FREM2: variants seen among roughly 807,000 people sequenced by gnomAD.
The protein encoded by FREM2 is FRAS1 related extracellular matrix 2.
In FREM2, 119 loss-of-function variants were observed where a neutral mutation model predicts 219.9. The observed-to-expected ratio is 0.54, with a 90% CI of 0.47 to 0.63. The LOEUF (loss-of-function observed/expected upper bound fraction) is 0.63, where lower values mean the gene tolerates loss of function less well. Ranked by LOEUF, FREM2 falls within the 30% of genes least tolerant of loss-of-function variation. The probability of loss-of-function intolerance (pLI) is 0.00; values close to 1 mark genes in which losing one functional copy is unlikely to be tolerated. For missense variants in FREM2, 4,030 were observed against 3,993.6 expected, an observed-to-expected ratio of 1.01 and a Z score of -0.25; for synonymous variants, 1,562 against 1,522.8, an observed-to-expected ratio of 1.03 and a Z score of -0.60.
intron 16 of FREM2, among the ~76,000 whole-genome samples, chr13:38,867,067 C>A (rs1428074595): frequency 6.6e-6 from 1 of 152,182 alleles, no homozygotes; most frequent in Non-Finnish European, 1.5e-5. Context: ...CTTCCTATGA[C>A]TGCCAGCTAG....
Position 38,851,061 on chromosome 13 carries a change from TTGG to T in FREM2, c.6698_6700del (p.Gly2233del). ...AGCAACTCTCCCTTTGGGGCTGCAG[TTGG>T]TGAACAAAATGAAACTCTCATAAGG... On this transcript the variant is annotated inframe_deletion, in exon 10 of 24. Coordinates refer to ENST00000280481, the MANE Select transcript of FREM2 (RefSeq NM_207361.6). 6.2e-7 allele frequency: 1 copy of T among 1,614,026 alleles called. No homozygotes were observed. The highest frequency in any genetic ancestry group is 8.5e-7 in the Non-Finnish European group (1 of 1,179,988).
rs555477088 is a variant in FREM2 at position 38,839,005 on chromosome 13, CGAG to C, written c.6020-7564_6020-7562del. Reference sequence around the variant, plus strand: ...ACACCCAGTTTTGTTCCCTTGCTGGCGAGGAGTTGTGATCCTTTGGAGGAGAAG... The same window carrying C: ...ACACCCAGTTTTGTTCCCTTGCTGGCGAGTTGTGATCCTTTGGAGGAGAAG... On this transcript the variant is annotated intron_variant, in intron 6 of 23. Transcript: ENST00000280481. Among the ~76,000 whole-genome samples, 37 of 152,160 alleles carry C rather than the reference CGAG, an allele frequency of 2.4e-4. 1 individual carries two copies. The South Asian group carries it at 7.3e-3, about 30-fold the overall frequency.
chr13:38,856,397 C>G (rs1877562712), intron 12 of FREM2, 141 bp downstream of exon 12: 1 of 739,278 alleles, frequency 1.4e-6, no homozygotes. Context: ...TCTCTTTTTA[C>G]CACCTAAATG....
chr13:38,723,280 A>G (rs903494810), intron 2 of FREM2, among the ~76,000 whole-genome samples: 2 of 152,034 alleles, frequency 1.3e-5, no homozygotes, highest in African/African-American at 4.8e-5. Flanking sequence ...ACAGCTGGAG[A>G]TGTCCGTGGG....
intron 6 of FREM2, among the ~76,000 whole-genome samples, chr13:38,817,892 G>A (rs1447057689): frequency 6.6e-6 from 1 of 151,812 alleles, no homozygotes; most frequent in Non-Finnish European, 1.5e-5. Flanking sequence ...TGGGCAAAAG[G>A]CCATTTTTCA....
At position 38,689,378 on chromosome 13, in the gene FREM2, T is replaced by G; in HGVS notation, c.2034T>G (p.His678Gln). ...TCACATTTAGAGTCCAGGATAACCA[T>G]GACCCTCCTAATCAGTCCGGGCTAC... ...DQFTFRVQDNHDPPNQSGLQR... is the reference protein window; with the variant it reads ...DQFTFRVQDNQDPPNQSGLQR... The change falls in exon 1 of 24, where the codon CAT becomes CAG. Residue 678 changes from histidine to glutamine, a missense_variant. His to Gln is a conservative substitution (Grantham distance 24). Around this residue, in one of 2 missense-constraint regions of FREM2, gnomAD observed 3,102 missense variants for 2,950.7 expected, o/e 1.05. Transcript: ENST00000280481. The G allele has an allele frequency of 6.2e-7, 1 of 1,614,098 alleles. No individual in the cohort carries two copies. The highest frequency in any genetic ancestry group is 1.1e-5 in the South Asian group (1 of 91,074).
At chr13:38,711,913 C>CTTTTTTT (rs1224297915) in intron 2 of FREM2, among the ~76,000 whole-genome samples, 1 of 107,596 alleles carries the variant, frequency 9.3e-6, no homozygotes, top group Non-Finnish European at 1.8e-5. Flanking sequence ...CTGATAATTT[C>CTTTTTTT]TTTTTTTTTT....
chr13:38,785,371 A>T (rs1874284973), intron 6 of FREM2, among the ~76,000 whole-genome samples: 1 of 152,204 alleles, frequency 6.6e-6, no homozygotes, highest in Non-Finnish European at 1.5e-5. Context: ...GAGCAAAAGG[A>T]TCTTAATCTC....
chr13:38,864,029 A>G (rs1877859582), intron 15 of FREM2, among the ~76,000 whole-genome samples: 1 of 151,818 alleles, frequency 6.6e-6, no homozygotes, highest in Admixed American at 6.6e-5. Flanking sequence ...GGGTTTCATC[A>G]TGTTGGCCAG....
intron 10 of FREM2, 70 bp downstream of exon 10, chr13:38,851,178 G>T: frequency 6.5e-7 from 1 of 1,532,292 alleles, no homozygotes. Context: ...AAGGTTTTAA[G>T]TGACTCAGAA....
chr13:38,757,151 A>T (rs1435691805), intron 2 of FREM2, among the ~76,000 whole-genome samples: 2 of 152,180 alleles, frequency 1.3e-5, no homozygotes, highest in African/African-American at 4.8e-5. Flanking sequence ...GATGAATAGG[A>T]ATTTCAGTCT....
At position 38,880,585 on chromosome 13, in the gene FREM2, A is replaced by G; in HGVS notation, c.9308A>G (p.Asn3103Ser). The G allele has an allele frequency of 6.2e-7, 1 of 1,614,094 alleles. No homozygotes were observed. Among genetic ancestry groups the G allele is most frequent in the Admixed American group, 1.7e-5 (1 of 60,034 alleles). ...PPDGILPWEL[N>S]SPSSAVSLVT... ...GATGGCATCCTCCCCTGGGAGCTCAACAGCCCCAGCTCTGCAGTCAGCCTG... is the reference window on the plus strand; with the variant it reads ...GATGGCATCCTCCCCTGGGAGCTCAGCAGCCCCAGCTCTGCAGTCAGCCTG... The change falls in exon 24 of 24, where the codon AAC becomes AGC. Residue 3103 changes from asparagine to serine, a missense_variant. By Grantham distance (46) the Asn-to-Ser change is conservative. This residue lies in a region of FREM2 where 928 missense variants were observed against 1,042.9 expected (regional missense o/e 0.89). Coordinates refer to ENST00000280481, the MANE Select transcript of FREM2 (RefSeq NM_207361.6).
At chr13:38,698,266 A>G (rs1001967528) in intron 2 of FREM2, among the ~76,000 whole-genome samples, 8 of 152,162 alleles carry the variant, frequency 5.3e-5, no homozygotes, top group African/African-American at 1.7e-4. Context: ...GTAGTAAATT[A>G]ATGTCTGTTT....
intron 2 of FREM2, among the ~76,000 whole-genome samples, chr13:38,703,355 G>A (rs1214655899): frequency 1.3e-5 from 2 of 152,300 alleles, no homozygotes; most frequent in African/African-American, 2.4e-5. Flanking sequence ...ATGAGAACCA[G>A]GGGGAAAGAT....
At chr13:38,722,361 A>AATATATAT (rs10689108) in intron 2 of FREM2, among the ~76,000 whole-genome samples, 2 of 149,864 alleles carry the variant, frequency 1.3e-5, no homozygotes, top group Admixed American at 1.3e-4. Flanking sequence ...CGTCCAGCCC[A>AATATATAT]ATATATATAT....
intron 6 of FREM2, among the ~76,000 whole-genome samples, chr13:38,834,800 GT>G (rs1476819598): frequency 6.6e-6 from 1 of 152,008 alleles, no homozygotes; most frequent in African/African-American, 2.4e-5. Context: ...GAGGTTGTTT[GT>G]TTTTTCTTGT....
At chr13:38,695,319 A>C (rs1197426566) in intron 1 of FREM2, among the ~76,000 whole-genome samples, 1 of 152,146 alleles carries the variant, frequency 6.6e-6, no homozygotes, top group Non-Finnish European at 1.5e-5. Flanking sequence ...TAATTATATG[A>C]AAAATATAAA....
intron 16 of FREM2, among the ~76,000 whole-genome samples, chr13:38,864,895 A>G (rs1304527596): frequency 6.6e-6 from 1 of 152,224 alleles, no homozygotes; most frequent in Non-Finnish European, 1.5e-5. Context: ...CTGATATTAT[A>G]AAAATCCAAA....
At chr13:38,794,962 GA>G (rs1226751038) in intron 6 of FREM2, among the ~76,000 whole-genome samples, 1 of 152,102 alleles carries the variant, frequency 6.6e-6, no homozygotes, top group East Asian at 1.9e-4. Context: ...TTGATAGATG[GA>G]AAAATTGAGA....
Sources: gnomAD v4.1 joint callset for allele counts (sites outside exome capture counted in the v4.1 genomes callset) on GRCh38, gnomAD v4.1.1 for gene constraint, gnomAD v4.1.1 regional missense constraint, MANE v1.5 for transcripts, NCBI Gene and HGNC (gene_info 2026-07-23, HGNC 2026-07-21) for gene names.